The following REDIC1 variants were observed in gnomAD, a reference collection of about 807,000 sequenced individuals.
The protein encoded by REDIC1 is regulator of DNA class I crossover intermediates 1, also known as HEI10 Interacting Protein 1.
At chr12:39,843,516 T>C in the REDIC1 span, among the ~76,000 whole-genome samples, 3 of 152,116 alleles carry the variant, frequency 2.0e-5, no homozygotes, top group African/African-American at 7.2e-5. Flanking sequence ...AATATCTACT[T>C]GCCCTCCATT....
the REDIC1 span, among the ~76,000 whole-genome samples, chr12:39,799,096 T>C: frequency 5.7e-3 from 836 of 147,794 alleles, 7 homozygotes; most frequent in African/African-American, 0.02. Context: ...TTTTTTTTTT[T>C]AGACTCAGAG....
the REDIC1 span, among the ~76,000 whole-genome samples, chr12:39,778,135 C>G: frequency 1.3e-5 from 2 of 152,156 alleles, no homozygotes; most frequent in Non-Finnish European, 2.9e-5. Flanking sequence ...AGCCACACCC[C>G]CATCACACAC....
the REDIC1 span, among the ~76,000 whole-genome samples, chr12:39,792,989 T>C: frequency 6.6e-6 from 1 of 152,162 alleles, no homozygotes; most frequent in Non-Finnish European, 1.5e-5. Context: ...ATGCCCTGTG[T>C]TTTCTATGAC....
the REDIC1 span, among the ~76,000 whole-genome samples, chr12:39,669,690 G>A: frequency 3.3e-5 from 5 of 152,344 alleles, no homozygotes; most frequent in African/African-American, 7.2e-5. Flanking sequence ...TTGAGCTGCG[G>A]TGGGCTCCAC....
At chr12:39,796,357 A>T in the REDIC1 span, among the ~76,000 whole-genome samples, 1 of 150,956 alleles carries the variant, frequency 6.6e-6, no homozygotes, top group South Asian at 2.1e-4. Context: ...TGGTAGGCTG[A>T]ACCAGGAGGA....
chr12:39,753,119 A>T, the REDIC1 span, among the ~76,000 whole-genome samples: 1 of 152,242 alleles, frequency 6.6e-6, no homozygotes, highest in Admixed American at 6.5e-5. Flanking sequence ...GTAAAGCATA[A>T]CAAAATTTTC....
At chr12:39,772,198 G>A in the REDIC1 span, among the ~76,000 whole-genome samples, 1 of 152,156 alleles carries the variant, frequency 6.6e-6, no homozygotes, top group Non-Finnish European at 1.5e-5. Flanking sequence ...CAAGAGCACA[G>A]GGTCTAATGT....
the REDIC1 span, among the ~76,000 whole-genome samples, chr12:39,711,775 A>ATGCATGTGTATGTGTGTGTACACT: frequency 7.5e-6 from 1 of 133,386 alleles, no homozygotes; most frequent in Admixed American, 7.2e-5. Context: ...GTGTGTGCAC[A>ATGCATGTGTATGTGTGTGTACACT]TGCATGTGTA....
At chr12:39,906,789 T>C in the REDIC1 span, among the ~76,000 whole-genome samples, 11 of 152,126 alleles carry the variant, frequency 7.2e-5, no homozygotes, top group African/African-American at 2.4e-4. Context: ...TTATTTTAAA[T>C]TGAACGTTGA....
chr12:39,747,188 G>C, the REDIC1 span, among the ~76,000 whole-genome samples: 1 of 152,194 alleles, frequency 6.6e-6, no homozygotes, highest in African/African-American at 2.4e-5. Context: ...AAAAAGATTA[G>C]ATGAATAGCT....
chr12:39,764,993 A>T, the REDIC1 span: 2 of 1,003,714 alleles, frequency 2.0e-6, no homozygotes, highest in Middle Eastern at 3.3e-4. Context: ...AAAAAATAAG[A>T]ACTAAATATA....
At chr12:39,743,889 G>A in the REDIC1 span, among the ~76,000 whole-genome samples, 1 of 152,136 alleles carries the variant, frequency 6.6e-6, no homozygotes, top group South Asian at 2.1e-4. Flanking sequence ...AGCACCAGAA[G>A]AGAATAAAGA....
At chr12:39,888,835 G>A in the REDIC1 span, among the ~76,000 whole-genome samples, 1 of 152,044 alleles carries the variant, frequency 6.6e-6, no homozygotes, top group Non-Finnish European at 1.5e-5. Flanking sequence ...ACTCTATATT[G>A]TGACACATAC....
chr12:39,677,770 A>T, the REDIC1 span, among the ~76,000 whole-genome samples: 1 of 152,216 alleles, frequency 6.6e-6, no homozygotes, highest in Non-Finnish European at 1.5e-5. Context: ...ATAAAATTGG[A>T]AATCAACTCC....
chr12:39,849,915 T>C, the REDIC1 span, among the ~76,000 whole-genome samples: 3 of 152,164 alleles, frequency 2.0e-5, no homozygotes, highest in Admixed American at 6.5e-5. Context: ...CAGGGTAATA[T>C]TGTTTCTTCT....
At chr12:39,888,011 G>A in the REDIC1 span, among the ~76,000 whole-genome samples, 1 of 152,112 alleles carries the variant, frequency 6.6e-6, no homozygotes, top group Non-Finnish European at 1.5e-5. Context: ...TGTGTTGATG[G>A]AATGCTTGGA....
the REDIC1 span, among the ~76,000 whole-genome samples, chr12:39,726,460 G>T: frequency 6.6e-6 from 1 of 152,106 alleles, no homozygotes; most frequent in Non-Finnish European, 1.5e-5. Flanking sequence ...ATGGTTTGAA[G>T]CTTCATCCAT....
the REDIC1 span, among the ~76,000 whole-genome samples, chr12:39,900,764 C>A: frequency 6.6e-6 from 1 of 152,118 alleles, no homozygotes; most frequent in Non-Finnish European, 1.5e-5. Context: ...CCATACTGCC[C>A]AAGGTAATTT....
chr12:39,747,952 G>A, the REDIC1 span, among the ~76,000 whole-genome samples: 17 of 152,258 alleles, frequency 1.1e-4, no homozygotes, highest in South Asian at 4.2e-4. Flanking sequence ...AGGAACAACC[G>A]GTACCAGCCA....
Sources: allele counts gnomAD v4.1 joint callset (sites outside exome capture counted in the v4.1 genomes callset), GRCh38; gene constraint gnomAD v4.1.1; transcripts MANE v1.5; gene names NCBI Gene and HGNC (gene_info 2026-07-23, HGNC 2026-07-21).